The following PADI4 variants were observed in gnomAD, a reference collection of about 807,000 sequenced individuals.
PADI4 encodes the protein protein-arginine deiminase type-4.
In PADI4, 62 loss-of-function variants were observed where a neutral mutation model predicts 75.0. That is an observed-to-expected ratio of 0.83 (90% CI 0.67 to 1.02). The LOEUF is 1.02. Among genes scored for constraint, PADI4 ranks in the 50% least tolerant of loss-of-function variants. PADI4 has a pLI of 0.00. For missense variants in PADI4, 845 were observed against 850.5 expected, an observed-to-expected ratio of 0.99 and a Z score of 0.08; for synonymous variants, 361 against 348.1, an observed-to-expected ratio of 1.04 and a Z score of -0.41.
rs200638881 is a variant in PADI4, at chr1:17,363,802, G to A, written c.*47G>A. 768 of 1,339,682 alleles carry A rather than the reference G, an allele frequency of 5.7e-4. 7 individuals carry two copies. In the African/African-American group the frequency reaches 9.1e-3, roughly 16 times the overall value. The allele number at this position is 1,339,682 out of a possible 1,614,324, so 83.0% of individuals were successfully genotyped here. A position where few individuals can be genotyped will look rare whatever the true frequency, so the allele number is the denominator to read the frequency against. On this transcript the variant is annotated 3_prime_UTR_variant, in exon 16 of 16. Coordinates refer to ENST00000375448, the MANE Select transcript of PADI4 (RefSeq NM_012387.3). ...CTCCCTCCTGGCCAGATGTCGCTGG[G>A]TCCTCTGCAGTGTGGCAAGCAAGAG...
intron 1 of PADI4, among the ~76,000 whole-genome samples, chr1:17,322,542 C>G (rs966142175): frequency 6.6e-6 from 1 of 151,998 alleles, no homozygotes; most frequent in African/African-American, 2.4e-5. Flanking sequence ...AGAAATTCAA[C>G]AGAACTGTTT....
At chr1:17,335,722 G>A (rs1391100528) in intron 3 of PADI4, among the ~76,000 whole-genome samples, 3 of 152,258 alleles carry the variant, frequency 2.0e-5, no homozygotes, top group African/African-American at 4.8e-5. Flanking sequence ...TGAAGAGCCC[G>A]TGGGGCTGGT....
Position 17,352,371 on chromosome 1 carries a change from T to C in PADI4, c.1156-2162T>C, listed in dbSNP as rs566586682. Among the ~76,000 whole-genome samples, 3 of 152,244 alleles carry C rather than the reference T, an allele frequency of 2.0e-5. No individual in the cohort carries two copies. The South Asian group carries it at 6.2e-4, about 32-fold the overall frequency. ...CTTGTTGGCTACTGTTAAGGCTGCT[T>C]GTTTAGAAACTGAGAATCATCACAG... is the stretch of plus-strand genomic sequence containing the variant. On this transcript the variant is annotated intron_variant, in intron 10 of 15. Transcript: ENST00000375448.
intron 1 of PADI4, 122 bp from the exon 2 acceptor site, chr1:17,330,847 C>A: frequency 1.6e-6 from 1 of 644,098 alleles, no homozygotes; most frequent in Non-Finnish European, 2.6e-6. Flanking sequence ...TACTTCGCAT[C>A]TTTCAGTCCA....
At chr1:17,337,999 G>T in intron 4 of PADI4, 39 bp from the exon 5 acceptor site, 5 of 1,237,390 alleles carry the variant, frequency 4.0e-6, no homozygotes, top group Non-Finnish European at 6.0e-6. Context: ...AGGGCTCTAT[G>T]CTAGTTTCTG....
Position 17,356,350 on chromosome 1 carries a change from C to T in PADI4, c.1456-7C>T, listed in dbSNP as rs2074759648. ...CTGACTTCTAACCCCAGTGTTTCTG[C>T]CTCCAGGGCTTCCGGCTGCTCCTGG... On this transcript the variant is annotated splice_region_variant and splice_polypyrimidine_tract_variant and intron_variant, in intron 12 of 15. Coordinates refer to ENST00000375448, the MANE Select transcript of PADI4 (RefSeq NM_012387.3). The surrounding 1 kb of genome is among the most constrained non-coding windows in gnomAD (Gnocchi z 4.1). 3 of 1,588,018 alleles carry T rather than the reference C, an allele frequency of 1.9e-6. No homozygotes were observed. In the East Asian group the frequency reaches 6.7e-5, roughly 36 times the overall value.
intron 15 of PADI4, 86 bp from the exon 16 acceptor site, chr1:17,363,436 C>T: frequency 1.1e-6 from 1 of 900,262 alleles, no homozygotes; most frequent in Non-Finnish European, 1.8e-6. Context: ...CTATTATTTC[C>T]AAAGGTCAGA....
chr1:17,339,965 G>T, intron 6 of PADI4, 152 bp downstream of exon 6: 5 of 757,952 alleles, frequency 6.6e-6, no homozygotes, highest in Middle Eastern at 2.9e-4. Context: ...ACGACATCTC[G>T]TCTACTACCT....
intron 9 of PADI4, among the ~76,000 whole-genome samples, chr1:17,347,687 C>T (rs2074541229): frequency 6.6e-6 from 1 of 152,192 alleles, no homozygotes; most frequent in Non-Finnish European, 1.5e-5. Context: ...CAGGGGTCCC[C>T]AGCACTGGCC....
chr1:17,324,147 TTTTTTTTG>T (rs2074080458), intron 1 of PADI4, among the ~76,000 whole-genome samples: 1 of 122,888 alleles, frequency 8.1e-6, no homozygotes. Flanking sequence ...CCAAGTTGGG[TTTTTTTTG>T]TTTTTTTTTT....
chr1:17,343,936 C>A (rs1635573), intron 8 of PADI4, among the ~76,000 whole-genome samples: 85,728 of 151,986 alleles, frequency 0.56, 24,411 homozygotes, highest in Non-Finnish European at 0.6. Context: ...AAAAGATACC[C>A]AAAATGTGGA....
At chr1:17,358,285 A>AAAAAGAATTTAAAT (rs1557583628) in intron 13 of PADI4, among the ~76,000 whole-genome samples, 11 of 73,814 alleles carry the variant, frequency 1.5e-4, no homozygotes, top group Admixed American at 2.3e-4. Context: ...AATATATTTT[A>AAAAAGAATTTAAAT]GGCCGGGCGC....
chr1:17,339,300 C>T (rs1338011732), intron 5 of PADI4, among the ~76,000 whole-genome samples: 1 of 152,200 alleles, frequency 6.6e-6, no homozygotes, highest in African/African-American at 2.4e-5. Flanking sequence ...GCACAGAAAC[C>T]TTTCACTCGT....
intron 1 of PADI4, among the ~76,000 whole-genome samples, chr1:17,328,989 A>G (rs1034952114): frequency 1.5e-4 from 22 of 148,952 alleles, no homozygotes; most frequent in Non-Finnish European, 2.4e-4. Flanking sequence ...CTATATTAAG[A>G]TATTTTTATT....
At chr1:17,327,811 T>G (rs12741565) in intron 1 of PADI4, among the ~76,000 whole-genome samples, 84,701 of 151,828 alleles carry the variant, frequency 0.56, 23,803 homozygotes, top group East Asian at 0.59. Flanking sequence ...CTCCCAAAGT[T>G]CTGGGATTAC....
At chr1:17,313,498 CAAAAAAAAAAAAAA>C (rs71014933) in intron 1 of PADI4, among the ~76,000 whole-genome samples, 2 of 68,418 alleles carry the variant, frequency 2.9e-5, no homozygotes, top group South Asian at 7.5e-4. Context: ...AAGACCTTGT[CAAAAAAAAAAAAAA>C]AAAAAAAAAG....
Position 17,309,598 on chromosome 1 carries a change from G to A in PADI4, c.92+1284G>A, listed in dbSNP as rs576469448. Among the ~76,000 whole-genome samples the A allele has an allele frequency of 2.4e-4, 37 of 152,354 alleles. No individual in the cohort carries two copies. The South Asian group carries it at 7.7e-3, about 32-fold the overall frequency. On this transcript the variant is annotated intron_variant, in intron 1 of 15. Transcript: ENST00000375448. The stretch of plus-strand genomic sequence containing the variant: ...TATCCTGCAACAATTGCTGTTGTCA[G>A]GAATAGGAGTGGTTGCCCCTGGCTT...
chr1:17,327,053 C>T (rs563369322), intron 1 of PADI4, among the ~76,000 whole-genome samples: 2 of 152,062 alleles, frequency 1.3e-5, no homozygotes, highest in African/African-American at 4.8e-5. Flanking sequence ...TAGGACTACA[C>T]GTGCATGCCA....
In PADI4 at chr1:17,333,971, C is replaced by A; in HGVS notation, c.302C>A (p.Thr101Asn). The change falls in exon 3 of 16, where the codon ACT becomes AAT. Residue 101 changes from threonine to asparagine, a missense_variant. By Grantham distance (65) the Thr-to-Asn change is moderately conservative (BLOSUM62 0). Transcript: ENST00000375448. ...CAGATTTCATACTACGGACCCAAGA[C>A]TCCACCAGTCAAAGCTCTACTCTAC... ...KVQISYYGPK[T>N]PPVKALLYLT... 1 of 1,613,004 alleles carries A rather than the reference C, an allele frequency of 6.2e-7. No individual in the cohort carries two copies. Among genetic ancestry groups the A allele is most frequent in the Non-Finnish European group, 8.5e-7 (1 of 1,178,960 alleles).
Sources: gnomAD v4.1 joint callset for allele counts (sites outside exome capture counted in the v4.1 genomes callset) on GRCh38, gnomAD v4.1.1 for gene constraint, Gnocchi (gnomAD v3.1) non-coding constraint, MANE v1.5 for transcripts, NCBI Gene and HGNC (gene_info 2026-07-23, HGNC 2026-07-21) for gene names.